Variants in HELZ observed in about 807,000 individuals in gnomAD.
HELZ encodes the protein ATP-dependent RNA helicase with zinc finger domain.
A neutral mutation model predicts 218.2 loss-of-function variants in HELZ; 23 were observed. The ratio of observed to expected loss-of-function variants is 0.11; its 90% CI spans 0.08 to 0.15. HELZ has a LOEUF of 0.15. Ranked by LOEUF, HELZ falls within the 10% of genes least tolerant of loss-of-function variation. HELZ has a pLI of 1.00. For synonymous variants in HELZ, 814 were observed against 829.4 expected (o/e 0.98, Z 0.32); for missense variants, 1,813 against 2,353.7 (o/e 0.77, Z 4.75).
intron 32 of HELZ, among the ~76,000 whole-genome samples, chr17:67,085,267 C>G (rs577352746): frequency 1.7e-3 from 257 of 151,830 alleles, no homozygotes; most frequent in African/African-American, 5.9e-3. Flanking sequence ...AAAATAAACA[C>G]GAAAATTAGC....
At position 67,188,527 on chromosome 17, in the gene HELZ, A is replaced by G. The variant is rs377514401; in HGVS notation, c.954T>C (p.Thr318=). 3 of 1,613,680 alleles carry G rather than the reference A, an allele frequency of 1.9e-6. No homozygotes were observed. The African/African-American group carries it at 4.0e-5, about 22-fold the overall frequency. ...CTGGGACTTCTTGTGATACCTGGGT[A>G]GTACTATCTCCGGCAGATATTGCAA... The part of the protein sequence containing the change: ...SIIAISAGDS[T]TQVSQEVPEN... The change falls in exon 12 of 33, where the codon ACT becomes ACC. Residue 318 remains threonine (T), a synonymous_variant. Coordinates refer to ENST00000358691, the MANE Select transcript of HELZ (RefSeq NM_014877.4). This position sits in a 1 kb window ranked among gnomAD's most constrained non-coding sequence, Gnocchi z 4.1.
chr17:67,192,139 T>C (rs1442988213), intron 9 of HELZ, among the ~76,000 whole-genome samples: 1 of 151,732 alleles, frequency 6.6e-6, no homozygotes, highest in Non-Finnish European at 1.5e-5. Flanking sequence ...GAGGCGGAGG[T>C]TGCAGTAAGC....
chr17:67,169,302 C>G (rs917660577), intron 13 of HELZ, among the ~76,000 whole-genome samples: 2 of 152,130 alleles, frequency 1.3e-5, no homozygotes, highest in African/African-American at 4.8e-5. Flanking sequence ...TTATAAAGAA[C>G]AGAGATTTAT....
At chr17:67,100,427 C>A (rs1245393023) in intron 31 of HELZ, among the ~76,000 whole-genome samples, 17 of 152,100 alleles carry the variant, frequency 1.1e-4, no homozygotes, top group Admixed American at 1.1e-3. Flanking sequence ...CCATTTTTAT[C>A]AGAAAGCCAT....
intron 4 of HELZ, 91 bp downstream of exon 4, chr17:67,218,504 G>T: frequency 1.0e-6 from 1 of 956,184 alleles, no homozygotes; most frequent in Non-Finnish European, 1.7e-6. Context: ...ACATCTCTTT[G>T]GCCCAGAATT....
intron 32 of HELZ, among the ~76,000 whole-genome samples, chr17:67,085,071 C>A (rs1404911778): frequency 6.6e-6 from 1 of 151,890 alleles, no homozygotes; most frequent in African/African-American, 2.4e-5. Context: ...TGCACCACTA[C>A]ACTCTAGCCA....
At chr17:67,198,508 C>T (rs2040088047) in intron 7 of HELZ, among the ~76,000 whole-genome samples, 4 of 152,108 alleles carry the variant, frequency 2.6e-5, no homozygotes, top group African/African-American at 9.7e-5. Flanking sequence ...AACAAAAAGG[C>T]AACAGTTTAT....
intron 19 of HELZ, among the ~76,000 whole-genome samples, chr17:67,149,535 T>C (rs975159373): frequency 1.3e-5 from 2 of 152,108 alleles, no homozygotes; most frequent in African/African-American, 4.8e-5. Flanking sequence ...GCTGGGGAAT[T>C]ACAATTCCCC....
intron 7 of HELZ, 96 bp downstream of exon 7, chr17:67,201,033 G>T: frequency 1.1e-6 from 1 of 931,336 alleles, no homozygotes; most frequent in Non-Finnish European, 1.8e-6. Flanking sequence ...TCGCCTTCTG[G>T]CTGATGCCAC....
Position 67,076,966 on chromosome 17 carries a change from A to G in HELZ, c.*1286T>C, listed in dbSNP as rs550011509. 2.4e-4 allele frequency: 37 copies of G among 152,332 alleles called. No individual in the cohort carries two copies. The highest frequency in any genetic ancestry group is 7.9e-4 in the African/African-American group (33 of 41,582). 9.4% of individuals were successfully genotyped at this position (152,332 alleles called of 1,614,324 possible). ...ATTGCTTTAAATGTGTGACAAGACCATAAGTTTCAAGAGGGTAAACATCTT... is the reference window on the plus strand; with the variant it reads ...ATTGCTTTAAATGTGTGACAAGACCGTAAGTTTCAAGAGGGTAAACATCTT... On this transcript the variant is annotated 3_prime_UTR_variant, in exon 33 of 33. Coordinates refer to ENST00000358691, the MANE Select transcript of HELZ (RefSeq NM_014877.4).
intron 17 of HELZ, 32 bp from the exon 18 acceptor site, chr17:67,151,256 T>C: frequency 6.5e-7 from 1 of 1,538,928 alleles, no homozygotes; most frequent in Non-Finnish European, 8.9e-7. Flanking sequence ...CTGATTTACA[T>C]TTACTAATTT....
rs183109539 is a variant in HELZ at position 67,197,380 on chromosome 17, T to C, written c.430-1910A>G. On this transcript the variant is annotated intron_variant, in intron 7 of 32. Transcript: ENST00000358691. Reference sequence around the variant, plus strand: ...TTGCCCAGTCTCAAGTATGTCTTTATTAGCAGCGTGAAAACAGACTAATAT... The same window carrying C: ...TTGCCCAGTCTCAAGTATGTCTTTACTAGCAGCGTGAAAACAGACTAATAT... 5.6e-3 allele frequency among the ~76,000 whole-genome samples: 860 copies of C among 152,324 alleles called. 6 individuals carry two copies. Among genetic ancestry groups the C allele is most frequent in the Non-Finnish European group, 6.6e-3 (446 of 68,032 alleles).
At chr17:67,201,966 C>T (rs190382402) in intron 6 of HELZ, among the ~76,000 whole-genome samples, 118 of 152,080 alleles carry the variant, frequency 7.8e-4, no homozygotes, top group African/African-American at 2.6e-3. Flanking sequence ...ATAACTATCC[C>T]GAGATGGGCC....
In HELZ at chr17:67,135,251, G is replaced by A. The variant is rs113968962; in HGVS notation, c.3182+719C>T. Among the ~76,000 whole-genome samples the A allele has an allele frequency of 5.6e-3, 853 of 152,144 alleles. 7 individuals carry two copies. Among genetic ancestry groups the A allele is most frequent in the African/African-American group, 0.02 (811 of 41,508 alleles). On this transcript the variant is annotated intron_variant, in intron 23 of 32. Transcript: ENST00000358691. ...ATCTTCTGGATTAACCAGATACAAA[G>A]AATTATCTACATTGAGAAGCCTTGA...
chr17:67,225,000 C>G (rs2040851892), intron 3 of HELZ: 1 of 692,374 alleles, frequency 1.4e-6, no homozygotes, highest in Non-Finnish European at 2.7e-6. Flanking sequence ...GCATTTTGAA[C>G]TGGAAGGAGA....
chr17:67,233,113 G>A (rs962824411), intron 3 of HELZ, among the ~76,000 whole-genome samples: 2 of 152,230 alleles, frequency 1.3e-5, no homozygotes, highest in African/African-American at 2.4e-5. Context: ...CAGCTTAGGC[G>A]AAGAAGCGAG....
chr17:67,164,146 A>G (rs1176847920), intron 15 of HELZ, among the ~76,000 whole-genome samples: 2 of 152,250 alleles, frequency 1.3e-5, no homozygotes, highest in African/African-American at 2.4e-5. Flanking sequence ...TCAAAGAAAA[A>G]TAAGACGCAG....
At chr17:67,098,272 T>C (rs1397025426) in intron 31 of HELZ, among the ~76,000 whole-genome samples, 2 of 152,224 alleles carry the variant, frequency 1.3e-5, no homozygotes, top group Admixed American at 1.3e-4. Context: ...CTTGAGTTAA[T>C]AACTGCTTAA....
chr17:67,183,037 C>T (rs866480899), intron 12 of HELZ, among the ~76,000 whole-genome samples: 21 of 152,164 alleles, frequency 1.4e-4, no homozygotes, highest in African/African-American at 4.3e-4. Context: ...TTTATTAAAA[C>T]CTGCTATATT....
Sources: gnomAD v4.1 joint callset for allele counts (sites outside exome capture counted in the v4.1 genomes callset) on GRCh38, gnomAD v4.1.1 for gene constraint, Gnocchi (gnomAD v3.1) non-coding constraint, MANE v1.5 for transcripts, NCBI Gene and HGNC (gene_info 2026-07-23, HGNC 2026-07-21) for gene names.